The following STIM2 variants were observed in gnomAD, a reference collection of about 807,000 sequenced individuals.
STIM2 encodes stromal interaction molecule 2.
Under a neutral mutation model 85.8 loss-of-function variants are expected in STIM2, and 31 were observed. That is an observed-to-expected ratio of 0.36 (90% CI 0.27 to 0.49). The LOEUF (loss-of-function observed/expected upper bound fraction) is 0.49. Ranked by LOEUF, STIM2 falls within the 20% of genes least tolerant of loss-of-function variation. The probability of loss-of-function intolerance (pLI) is 0.98; values close to 1 mark genes in which losing one functional copy is unlikely to be tolerated. For missense variants in STIM2, 841 were observed against 927.6 expected (o/e 0.91, Z 1.21); for synonymous variants, 356 against 331.1 (o/e 1.08, Z -0.82).
intron 1 of STIM2, chr4:26,873,452 A>G (rs1722703586): frequency 4.0e-6 from 1 of 251,696 alleles, no homozygotes; most frequent in South Asian, 4.5e-5. Flanking sequence ...GTTAGTTCTG[A>G]ACTAAATCAT....
rs183080911 is a variant in STIM2 at position 26,970,979 on chromosome 4, T to C, written c.397+13253T>C. Reference sequence around the variant, plus strand: ...ATCTCATTGTGGTTTTAATTTGCATTTCTCTGATGACCAGTGATGATGAAC... The same window carrying C: ...ATCTCATTGTGGTTTTAATTTGCATCTCTCTGATGACCAGTGATGATGAAC... On this transcript the variant is annotated intron_variant, in intron 3 of 11. Coordinates refer to ENST00000467087, the MANE Select transcript of STIM2 (RefSeq NM_020860.4). Among the ~76,000 whole-genome samples, 20 of 152,342 alleles carry C rather than the reference T, an allele frequency of 1.3e-4. No homozygotes were observed. The East Asian group carries it at 3.1e-3, about 24-fold the overall frequency.
intron 2 of STIM2, among the ~76,000 whole-genome samples, chr4:26,932,194 C>G: frequency 6.6e-6 from 1 of 152,140 alleles, no homozygotes; most frequent in Non-Finnish European, 1.5e-5. Context: ...GTTTTGAAGC[C>G]AGGCCAACTC....
intron 5 of STIM2, among the ~76,000 whole-genome samples, chr4:27,000,589 C>G (rs1221828840): frequency 6.6e-6 from 1 of 152,008 alleles, no homozygotes; most frequent in Non-Finnish European, 1.5e-5. Flanking sequence ...TGGAACTAAC[C>G]CCTTTCTAAG....
chr4:27,017,333 C>G (rs1481813823), intron 10 of STIM2, among the ~76,000 whole-genome samples: 1 of 152,136 alleles, frequency 6.6e-6, no homozygotes, highest in African/African-American at 2.4e-5. Context: ...CCATTGCAGC[C>G]TACTTTATTC....
At chr4:26,882,986 C>T (rs1317368024) in intron 1 of STIM2, among the ~76,000 whole-genome samples, 4 of 150,860 alleles carry the variant, frequency 2.7e-5, no homozygotes, top group Non-Finnish European at 4.4e-5. Context: ...TACAGGCATG[C>T]GCCACCATAC....
intron 1 of STIM2, among the ~76,000 whole-genome samples, chr4:26,897,527 A>G (rs981849802): frequency 7.9e-5 from 12 of 152,164 alleles, no homozygotes; most frequent in South Asian, 2.1e-4. Context: ...ATAAATTTCT[A>G]TTATCAAGCT....
In STIM2 at chr4:27,017,879, C is replaced by G; in HGVS notation, c.1658C>G (p.Ser553Cys). 1 of 1,614,190 alleles carries G rather than the reference C, an allele frequency of 6.2e-7. No individual in the cohort carries two copies. The change falls in exon 11 of 12, where the codon TCC (serine) becomes TGC (cysteine). Residue 553 changes from serine (S) to cysteine (C), a missense_variant. Transcript: ENST00000467087. ...CACCACCCGCAACACACACCACACT[C>G]CTTGCCTTCCCCTGATCCAGATATC... is the stretch of plus-strand genomic sequence containing the variant.
chr4:26,929,320 T>C (rs555028500), intron 2 of STIM2, among the ~76,000 whole-genome samples: 1 of 152,318 alleles, frequency 6.6e-6, no homozygotes, highest in East Asian at 1.9e-4. Flanking sequence ...AATTATTAAT[T>C]CTGCAGTTCT....
At chr4:26,928,526 T>G (rs13152367) in intron 2 of STIM2, among the ~76,000 whole-genome samples, 38,158 of 152,090 alleles carry the variant, frequency 0.25, 4,805 homozygotes, top group East Asian at 0.31. Flanking sequence ...CAGATATACT[T>G]TTTTAATTTT....
At chr4:26,983,965 A>G (rs757796991) in intron 3 of STIM2, among the ~76,000 whole-genome samples, 2 of 152,258 alleles carry the variant, frequency 1.3e-5, no homozygotes, top group Non-Finnish European at 2.9e-5. Context: ...AAGTGTTAAT[A>G]GCAGAAAATT....
At chr4:27,016,062 T>TATA (rs1440196607) in intron 10 of STIM2, among the ~76,000 whole-genome samples, 1 of 152,138 alleles carries the variant, frequency 6.6e-6, no homozygotes, top group African/African-American at 2.4e-5. Flanking sequence ...ATCTGCCTTC[T>TATA]AGCTTACTAA....
chr4:27,000,604 A>C (rs549257110), intron 5 of STIM2, among the ~76,000 whole-genome samples: 25 of 152,324 alleles, frequency 1.6e-4, no homozygotes, highest in African/African-American at 5.3e-4. Context: ...TCTAAGCCCC[A>C]AAAATTATAT....
intron 1 of STIM2, among the ~76,000 whole-genome samples, chr4:26,909,096 A>C (rs1724236684): frequency 6.6e-6 from 1 of 152,190 alleles, no homozygotes; most frequent in African/African-American, 2.4e-5. Flanking sequence ...AATAAAAGAT[A>C]TTTTTGATAA....
chr4:26,993,747 T>C (rs1232347106), intron 3 of STIM2, among the ~76,000 whole-genome samples: 1 of 152,188 alleles, frequency 6.6e-6, no homozygotes, highest in Admixed American at 6.6e-5. Flanking sequence ...AGCAGAAACC[T>C]CTGAACTGCG....
At chr4:26,871,526 G>T (rs542012586) in intron 1 of STIM2, among the ~76,000 whole-genome samples, 3 of 152,206 alleles carry the variant, frequency 2.0e-5, no homozygotes, top group Non-Finnish European at 4.4e-5. Flanking sequence ...CCAATAATTT[G>T]TCCTTTTTAA....
intron 2 of STIM2, among the ~76,000 whole-genome samples, chr4:26,930,476 T>C (rs1468180047): frequency 3.2e-5 from 1 of 31,144 alleles, no homozygotes; most frequent in African/African-American, 2.7e-4. Flanking sequence ...GTTTTAGAGG[T>C]TTTTTTTTAT....
intron 1 of STIM2, among the ~76,000 whole-genome samples, chr4:26,865,184 C>A (rs1722357561): frequency 6.6e-6 from 1 of 152,122 alleles, no homozygotes; most frequent in East Asian, 1.9e-4. Context: ...AGTCTTTGGT[C>A]ATTGCTGTAG....
rs145490820 is a variant in STIM2 at position 27,008,988 on chromosome 4, T to C, written c.1475T>C (p.Val492Ala). 2 of 1,607,740 alleles carry C rather than the reference T, an allele frequency of 1.2e-6. No individual in the cohort carries two copies. Among genetic ancestry groups the C allele is most frequent in the African/African-American group, 1.3e-5 (1 of 74,762 alleles). Residue 492 changes from valine to alanine, a missense_variant, in exon 10 of 12, where the codon GTG becomes GCG. Around this residue, in one of 3 missense-constraint regions of STIM2, gnomAD observed 408 missense variants for 525.4 expected, o/e 0.78. Transcript: ENST00000467087. The stretch of plus-strand genomic sequence containing the variant: ...TTAGATGAAGACACACCCCCAATAG[T>C]GTCACAATTTCCCGGTAAGTGGCAA...
chr4:26,866,190 C>G (rs926480011), intron 1 of STIM2, among the ~76,000 whole-genome samples: 3 of 152,146 alleles, frequency 2.0e-5, no homozygotes, highest in African/African-American at 7.2e-5. Context: ...TTACCTCCCC[C>G]ACAAGTAGTC....
Sources: allele counts gnomAD v4.1 joint callset (sites outside exome capture counted in the v4.1 genomes callset), GRCh38; gene constraint gnomAD v4.1.1; regional missense constraint gnomAD v4.1.1; transcripts MANE v1.5; gene names NCBI Gene and HGNC (gene_info 2026-07-23, HGNC 2026-07-21).